PRH1: variants seen among roughly 807,000 people sequenced by gnomAD.
PRH1 encodes proline rich protein HaeIII subfamily 1.
Under a neutral mutation model 7.9 loss-of-function variants are expected in PRH1, and 7 were observed. That is an observed-to-expected ratio of 0.89 (90% CI 0.50 to 1.67). The LOEUF is 1.67. PRH1 is among the 40% of genes most tolerant of loss of function. The pLI, the probability that PRH1 is intolerant of heterozygous loss-of-function variation, is 0.00. For synonymous variants in PRH1, 45 were observed against 80.8 expected (o/e 0.56, Z 2.38); for missense variants, 109 against 223.6 (o/e 0.49, Z 3.27).
intron 2 of PRH1, among the ~76,000 whole-genome samples, chr12:10,972,932 A>AACCCCCCCCCCCC (rs1938893473): frequency 1.3e-5 from 1 of 79,026 alleles, no homozygotes; most frequent in African/African-American, 4.6e-5. Context: ...ACCACAACCC[A>AACCCCCCCCCCCC]CCCCCCCCGC....
intron 2 of PRH1, among the ~76,000 whole-genome samples, chr12:10,939,551 G>GT (rs60186756): frequency 0.032 from 3,898 of 123,246 alleles, 91 homozygotes; most frequent in East Asian, 0.1. Context: ...TGGTTTGTGT[G>GT]TTTTTTTTTT....
chr12:10,997,941 CA>C (rs34965724), intron 1 of PRH1: 343,000 of 1,007,992 alleles, frequency 0.34, 68,756 homozygotes, highest in East Asian at 0.75. Context: ...CTCTGATATT[CA>C]AGACTTTAAG....
rs192094426 is a variant in PRH1 at position 10,901,233 on chromosome 12, T to C, written c.-58-16958A>G. Reference sequence around the variant, plus strand: ...AGTTAAGAAGCCTGAGTCACCCCATTTACCCTGTGCAGAAATCTTGGTTGG... The same window carrying C: ...AGTTAAGAAGCCTGAGTCACCCCATCTACCCTGTGCAGAAATCTTGGTTGG... On this transcript the variant is annotated intron_variant, in intron 2 of 3. Coordinates refer to the PRH1 transcript ENST00000539853. Among the ~76,000 whole-genome samples the C allele has an allele frequency of 1.0e-3, 152 of 152,256 alleles. 1 individual carries two copies. The East Asian group carries it at 0.02, about 20-fold the overall frequency.
chr12:11,022,616 A>G, intron 1 of PRH1: 1 of 1,390,528 alleles, frequency 7.2e-7, no homozygotes, highest in Non-Finnish European at 9.8e-7. Context: ...ACTTGTTCTG[A>G]GTCCTTTAAC....
chr12:11,170,964 C>A (rs941951342), intron 1 of PRH1, among the ~76,000 whole-genome samples: 1 of 152,202 alleles, frequency 6.6e-6, no homozygotes, highest in African/African-American at 2.4e-5. Flanking sequence ...CATAACACAG[C>A]AGACAAACTA....
intron 1 of PRH1, among the ~76,000 whole-genome samples, chr12:11,060,740 G>A (rs78627165): frequency 1.8e-4 from 17 of 94,050 alleles, no homozygotes; most frequent in East Asian, 3.7e-4. Context: ...CTCTACATAT[G>A]CTTGTCACTC....
chr12:10,901,237 C>A (rs567659887), intron 2 of PRH1, among the ~76,000 whole-genome samples: 86 of 152,302 alleles, frequency 5.6e-4, no homozygotes, highest in African/African-American at 1.9e-3. Flanking sequence ...CCCCATTTAC[C>A]CTGTGCAGAA....
chr12:11,104,817 AAAT>A (rs1194172272), intron 1 of PRH1, among the ~76,000 whole-genome samples: 3 of 152,136 alleles, frequency 2.0e-5, no homozygotes, highest in Non-Finnish European at 4.4e-5. Flanking sequence ...TTTCCAAAAT[AAAT>A]AATGTTGGGC....
chr12:11,011,339 G>A (rs1345344283), intron 1 of PRH1, among the ~76,000 whole-genome samples: 10 of 152,046 alleles, frequency 6.6e-5, no homozygotes, highest in Non-Finnish European at 1.2e-4. Flanking sequence ...GTGTGCTAAT[G>A]GATGAGTTTG....
chr12:11,153,417 T>C (rs1486868953), intron 1 of PRH1, among the ~76,000 whole-genome samples: 1 of 152,226 alleles, frequency 6.6e-6, no homozygotes, highest in African/African-American at 2.4e-5. Context: ...CACAACTTCC[T>C]GTGTTAAAGT....
At chr12:11,030,667 G>A in intron 1 of PRH1, 1 of 1,614,178 alleles carries the variant, frequency 6.2e-7, no homozygotes, top group Non-Finnish European at 8.5e-7. Flanking sequence ...CTTTTATGTG[G>A]ACCTTGGTGC....
chr12:11,092,150 A>G, intron 1 of PRH1: 1 of 1,357,366 alleles, frequency 7.4e-7, no homozygotes. Context: ...TACCAGTGCT[A>G]TGAAGCCATT....
Position 11,086,686 on chromosome 12 carries a change from G to A in PRH1, n.124-39498C>T, listed in dbSNP as rs1229691652. On this transcript the variant is annotated intron_variant and non_coding_transcript_variant, in intron 1 of 4. Coordinates refer to the PRH1 transcript ENST00000541977. ...CCCAGCACTTTGGGAGGCTGAGGCA[G>A]GTGCATCACCTGAGGTCAGGAGTTT... Among the ~76,000 whole-genome samples the A allele has an allele frequency of 7.8e-5, 10 of 128,522 alleles. 1 individual carries two copies. The highest frequency in any genetic ancestry group is 2.4e-4 in the African/African-American group (9 of 36,926). The allele number at this position is 128,522 out of a possible 152,430, so 84.3% of individuals were successfully genotyped here.
chr12:11,171,592 G>A, upstream of PRH1: 13 of 1,227,004 alleles, frequency 1.1e-5, no homozygotes, highest in Non-Finnish European at 9.2e-6. Context: ...GGCCTCCGGG[G>A]CCAGCATGAT....
chr12:10,970,620 A>C (rs1245389051), intron 2 of PRH1, among the ~76,000 whole-genome samples: 1 of 151,410 alleles, frequency 6.6e-6, no homozygotes, highest in African/African-American at 2.4e-5. Context: ...GCTGGAGTGC[A>C]ATGGCACAAT....
At chr12:10,888,706 C>A (rs912412623), upstream of PRH1, among the ~76,000 whole-genome samples, 1 of 152,002 alleles carries the variant, frequency 6.6e-6, no homozygotes, top group East Asian at 1.9e-4. Context: ...TTTAGTTGAT[C>A]CGTATAATTT....
chr12:11,125,084 C>A (rs1393393984), intron 1 of PRH1, among the ~76,000 whole-genome samples: 1 of 152,162 alleles, frequency 6.6e-6, no homozygotes, highest in African/African-American at 2.4e-5. Flanking sequence ...CTCAGGTGAT[C>A]CACCAGCCTC....
intron 1 of PRH1, among the ~76,000 whole-genome samples, chr12:11,091,115 C>CACACACACATATATAT (rs751016037): frequency 4.0e-5 from 1 of 25,104 alleles, no homozygotes; most frequent in East Asian, 2.4e-3. Flanking sequence ...CACACACACA[C>CACACACACATATATAT]ATATATATAT....
intron 1 of PRH1, among the ~76,000 whole-genome samples, chr12:10,976,745 C>G (rs565848122): frequency 1.8e-4 from 27 of 152,006 alleles, no homozygotes; most frequent in African/African-American, 5.3e-4. Context: ...TTACCACTGA[C>G]CCCACTGAAA....
Sources: gnomAD v4.1 joint callset for allele counts (sites outside exome capture counted in the v4.1 genomes callset) on GRCh38, gnomAD v4.1.1 for gene constraint, MANE v1.5 for transcripts, NCBI Gene and HGNC (gene_info 2026-07-23, HGNC 2026-07-21) for gene names.